The following DOCK2 variants were observed in gnomAD, a reference collection of about 807,000 sequenced individuals.
DOCK2 encodes the protein dedicator of cytokinesis protein 2.
Under a neutral mutation model 248.9 loss-of-function variants are expected in DOCK2, and 87 were observed. That is an observed-to-expected ratio of 0.35 (90% CI 0.29 to 0.42). The LOEUF (loss-of-function observed/expected upper bound fraction) is 0.42. DOCK2 is among the 10% of genes least tolerant of loss of function. The probability of loss-of-function intolerance (pLI) is 1.00; values close to 1 mark genes in which losing one functional copy is unlikely to be tolerated. For missense variants in DOCK2, 1,747 were observed against 2,300.2 expected (o/e 0.76, Z 4.92); for synonymous variants, 805 against 821.6 (o/e 0.98, Z 0.35).
At chr5:169,765,695 A>G (rs1192172624) in intron 25 of DOCK2, among the ~76,000 whole-genome samples, 1 of 152,244 alleles carries the variant, frequency 6.6e-6, no homozygotes, top group African/African-American at 2.4e-5. Flanking sequence ...AGAGATTGAC[A>G]GAAAGAGAGA....
intron 27 of DOCK2, among the ~76,000 whole-genome samples, chr5:169,854,909 C>G (rs932154540): frequency 6.6e-6 from 1 of 152,158 alleles, no homozygotes; most frequent in Non-Finnish European, 1.5e-5. Flanking sequence ...GCTCTGGGTA[C>G]TTGGAGGATG....
intron 27 of DOCK2, among the ~76,000 whole-genome samples, chr5:169,925,469 A>G (rs1048678875): frequency 2.7e-5 from 4 of 150,858 alleles, no homozygotes; most frequent in Admixed American, 2.0e-4. Context: ...AATCCCAGCT[A>G]CTTGGGAGGC....
chr5:169,760,996 AT>A (rs1300216949), intron 24 of DOCK2, among the ~76,000 whole-genome samples: 1 of 152,274 alleles, frequency 6.6e-6, no homozygotes, highest in East Asian at 1.9e-4. Flanking sequence ...CTAATCCACA[AT>A]TTTTCATAGT....
At chr5:169,671,324 C>G in intron 5 of DOCK2, 150 bp downstream of exon 5, 1 of 628,530 alleles carries the variant, frequency 1.6e-6, no homozygotes, top group East Asian at 2.8e-5. Context: ...ACATCAAGGC[C>G]CAGAGAGGAT....
At position 169,718,648 on chromosome 5, in the gene DOCK2, C is replaced by G; in HGVS notation, c.2133-9C>G. The G allele has an allele frequency of 6.2e-7, 1 of 1,608,914 alleles. No homozygotes were observed. Among genetic ancestry groups the G allele is most frequent in the African/African-American group, 1.3e-5 (1 of 74,904 alleles). On this transcript the variant is annotated splice_polypyrimidine_tract_variant and intron_variant, in intron 21 of 51. Transcript: ENST00000520908. ...GAGATGTATTTTGAAAATATTATCCCTTATTCAGGAAATTGATGACAGTGC... is the reference window on the plus strand; with the variant it reads ...GAGATGTATTTTGAAAATATTATCCGTTATTCAGGAAATTGATGACAGTGC...
chr5:169,888,805 A>T (rs935304648), intron 27 of DOCK2, among the ~76,000 whole-genome samples: 58 of 152,354 alleles, frequency 3.8e-4, no homozygotes, highest in African/African-American at 1.3e-3. Context: ...CTTCAGATAG[A>T]ACCCAGCTGG....
intron 27 of DOCK2, chr5:169,884,313 A>G (rs763047155): frequency 2.5e-5 from 4 of 157,806 alleles, no homozygotes; most frequent in Non-Finnish European, 4.2e-5. Flanking sequence ...CAGACTCCCA[A>G]TGAGTGAATT....
chr5:169,639,867 G>C (rs1399404962), intron 1 of DOCK2, among the ~76,000 whole-genome samples: 2 of 152,242 alleles, frequency 1.3e-5, no homozygotes, highest in Non-Finnish European at 2.9e-5. Context: ...TGCTCAGGCT[G>C]CTGTAGCAAA....
chr5:170,038,798 G>A (rs1756408768), intron 36 of DOCK2, among the ~76,000 whole-genome samples: 1 of 152,222 alleles, frequency 6.6e-6, no homozygotes. Flanking sequence ...GAAGAGGAGA[G>A]GGTGCCAAAG....
chr5:169,761,697 G>A, intron 25 of DOCK2, 72 bp downstream of exon 25: 1 of 1,246,274 alleles, frequency 8.0e-7, no homozygotes, highest in African/African-American at 1.5e-5. Context: ...GGGAAGCTTG[G>A]CAGGAGAGGG....
At chr5:169,946,438 G>T (rs1776451743) in intron 27 of DOCK2, among the ~76,000 whole-genome samples, 1 of 152,168 alleles carries the variant, frequency 6.6e-6, no homozygotes, top group Non-Finnish European at 1.5e-5. Context: ...TTTTCATATT[G>T]GGAGGAAAGG....
At chr5:169,719,256 A>AT (rs1268579759) in intron 22 of DOCK2, among the ~76,000 whole-genome samples, 1 of 152,218 alleles carries the variant, frequency 6.6e-6, no homozygotes, top group Non-Finnish European at 1.5e-5. Context: ...GAGCTGATGT[A>AT]TTAGAGTACC....
chr5:169,826,623 C>G (rs776261758), intron 26 of DOCK2, among the ~76,000 whole-genome samples: 2 of 152,114 alleles, frequency 1.3e-5, no homozygotes, highest in African/African-American at 2.4e-5. Context: ...GTTGGTCTGA[C>G]TCACTGCGAG....
chr5:169,792,752 T>C (rs1766424841), intron 25 of DOCK2, among the ~76,000 whole-genome samples: 1 of 152,206 alleles, frequency 6.6e-6, no homozygotes, highest in Admixed American at 6.5e-5. Context: ...ACTGCATTCA[T>C]CTGGTGTGGC....
intron 23 of DOCK2, among the ~76,000 whole-genome samples, chr5:169,757,398 C>A (rs1297323633): frequency 3.3e-5 from 5 of 152,108 alleles, no homozygotes; most frequent in Admixed American, 6.5e-5. Context: ...TTTGCTTAAG[C>A]CAATGCTTTC....
At chr5:169,685,111 GA>G (rs1759888756) in intron 8 of DOCK2, among the ~76,000 whole-genome samples, 2 of 152,352 alleles carry the variant, frequency 1.3e-5, no homozygotes, top group African/African-American at 4.8e-5. Flanking sequence ...TCTTAAGCCT[GA>G]GTTTCCCATC....
intron 3 of DOCK2, 115 bp downstream of exon 3, chr5:169,669,443 C>T: frequency 2.7e-6 from 3 of 1,120,274 alleles, no homozygotes; most frequent in Non-Finnish European, 1.3e-6. Context: ...ATCCATCTCT[C>T]CCTCCTGTGC....
chr5:169,996,295 G>A, intron 30 of DOCK2, 131 bp downstream of exon 30: 5 of 894,314 alleles, frequency 5.6e-6, no homozygotes, highest in South Asian at 1.9e-5. Context: ...TTCCCACGGG[G>A]GGTTATGGCT....
At chr5:169,721,647 A>G (rs1390786117) in intron 22 of DOCK2, among the ~76,000 whole-genome samples, 1 of 152,170 alleles carries the variant, frequency 6.6e-6, no homozygotes, top group Non-Finnish European at 1.5e-5. Context: ...CCCTGCTTGC[A>G]TAACTGCAGC....
Sources: gnomAD v4.1 joint callset for allele counts (sites outside exome capture counted in the v4.1 genomes callset) on GRCh38, gnomAD v4.1.1 for gene constraint, MANE v1.5 for transcripts, NCBI Gene and HGNC (gene_info 2026-07-23, HGNC 2026-07-21) for gene names.